Variants in TLN2 observed in about 807,000 individuals in gnomAD.
The protein encoded by TLN2 is talin-2.
A neutral mutation model predicts 294.7 loss-of-function variants in TLN2; 118 were observed. The observed-to-expected ratio is 0.40, with a 90% confidence interval of 0.34 to 0.47. The LOEUF (loss-of-function observed/expected upper bound fraction) is 0.47. TLN2 is among the 20% of genes least tolerant of loss of function. The probability of loss-of-function intolerance (pLI) is 0.84; values close to 1 mark genes in which losing one functional copy is unlikely to be tolerated. For synonymous variants in TLN2, 1,431 were observed against 1,304.5 expected (o/e 1.10, Z -2.09); for missense variants, 3,083 against 3,282.2 (o/e 0.94, Z 1.48).
chr15:62,565,012 T>TC (rs1468468449), intron 1 of TLN2, among the ~76,000 whole-genome samples: 1 of 151,212 alleles, frequency 6.6e-6, no homozygotes, highest in Non-Finnish European at 1.5e-5. Flanking sequence ...CCTGCATAAT[T>TC]CCCCCAGAGG....
chr15:62,426,085 A>G (rs1434540919), intron 1 of TLN2, among the ~76,000 whole-genome samples: 1 of 152,182 alleles, frequency 6.6e-6, no homozygotes, highest in East Asian at 1.9e-4. Context: ...GGTATGGCCC[A>G]GCCGTATCTC....
At chr15:62,738,557 C>T (rs1046344692) in intron 30 of TLN2, among the ~76,000 whole-genome samples, 1 of 152,180 alleles carries the variant, frequency 6.6e-6, no homozygotes, top group Non-Finnish European at 1.5e-5. Context: ...TTGCCATTTC[C>T]TCTCGGATCG....
chr15:62,700,684 T>C (rs1382105818), intron 16 of TLN2, among the ~76,000 whole-genome samples: 1 of 152,190 alleles, frequency 6.6e-6, no homozygotes, highest in African/African-American at 2.4e-5. Flanking sequence ...AGAACATGTC[T>C]AAGTTGAAAC....
chr15:62,399,239 C>T (rs568850318), intron 1 of TLN2, among the ~76,000 whole-genome samples: 19 of 111,664 alleles, frequency 1.7e-4, no homozygotes, highest in Non-Finnish European at 2.8e-4. Context: ...GGTGACAGAG[C>T]GAGACTCCGT....
At chr15:62,688,052 G>GGT (rs2057440177) in intron 12 of TLN2, 1 of 152,112 alleles carries the variant, frequency 6.6e-6, no homozygotes, top group African/African-American at 2.4e-5. Context: ...GTTGGGAATG[G>GGT]GTAGGACAGG....
In TLN2 at chr15:62,825,784, A is replaced by ATATATTATAATATATAT. The variant is rs1567686734; in HGVS notation, c.7002+5180_7002+5196dup. Among the ~76,000 whole-genome samples the ATATATTATAATATATAT allele has an allele frequency of 3.5e-3, 51 of 14,614 alleles. No individual in the cohort carries two copies. The East Asian group carries it at 0.1, about 30-fold the overall frequency. 9.6% of individuals were successfully genotyped at this position (14,614 alleles called of 152,430 possible). A position where few individuals can be genotyped will look rare whatever the true frequency, so the allele number is the denominator to read the frequency against. The stretch of plus-strand genomic sequence containing the variant: ...ATAATTATATATTATATAATATATT[A>ATATATTATAATATATAT]TATATTATAATATATATTATATATT... On this transcript the variant is annotated intron_variant, in intron 54 of 58. Transcript: ENST00000636159.
chr15:62,570,019 CCTT>C (rs921034528), intron 1 of TLN2, among the ~76,000 whole-genome samples: 7 of 152,166 alleles, frequency 4.6e-5, no homozygotes, highest in African/African-American at 1.7e-4. Flanking sequence ...CCTCTCTCTT[CCTT>C]CTTCTCTATC....
chr15:62,491,923 A>G (rs1239219040), intron 1 of TLN2, among the ~76,000 whole-genome samples: 1 of 152,102 alleles, frequency 6.6e-6, no homozygotes, highest in East Asian at 1.9e-4. Context: ...TCACCAAGGG[A>G]AAAAAAGACA....
At chr15:62,544,155 T>G (rs1336639173) in intron 1 of TLN2, among the ~76,000 whole-genome samples, 1 of 152,230 alleles carries the variant, frequency 6.6e-6, no homozygotes, top group Non-Finnish European at 1.5e-5. Flanking sequence ...CTCTTCATGT[T>G]CATCCAAATT....
intron 1 of TLN2, among the ~76,000 whole-genome samples, chr15:62,482,911 T>C (rs1028478753): frequency 6.6e-6 from 1 of 152,174 alleles, no homozygotes; most frequent in African/African-American, 2.4e-5. Context: ...GCATCCCTCC[T>C]GTTCTTGTTG....
chr15:62,622,761 G>A (rs1278223464), intron 3 of TLN2, among the ~76,000 whole-genome samples: 1 of 152,150 alleles, frequency 6.6e-6, no homozygotes, highest in Non-Finnish European at 1.5e-5. Context: ...GCTTGAGTCA[G>A]TGATAAAAGA....
intron 37 of TLN2, 22 bp from the exon 38 acceptor site, chr15:62,761,659 T>G: frequency 6.2e-7 from 1 of 1,613,880 alleles, no homozygotes; most frequent in Non-Finnish European, 8.5e-7. Context: ...TTGGGCAGAA[T>G]CTCCCTGTTT....
chr15:62,812,943 C>A (rs937425), intron 52 of TLN2, among the ~76,000 whole-genome samples: 2 of 152,072 alleles, frequency 1.3e-5, no homozygotes, highest in African/African-American at 2.4e-5. Context: ...GTCGCTATGT[C>A]AACATCAGCC....
At chr15:62,682,226 T>G (rs1484676714) in intron 11 of TLN2, among the ~76,000 whole-genome samples, 1 of 152,274 alleles carries the variant, frequency 6.6e-6, no homozygotes, top group Non-Finnish European at 1.5e-5. Flanking sequence ...TGGTTATGTT[T>G]CTACAAAGCT....
rs767969576 is a variant in TLN2 at position 62,836,047 on chromosome 15, G to C, written c.7348G>C (p.Asp2450His). The change falls in exon 57 of 59, where the codon GAT becomes CAT. Residue 2450 changes from aspartate (D) to histidine (H), a missense_variant. Asp to His is a moderately conservative substitution (Grantham distance 81). Coordinates refer to ENST00000636159, the MANE Select transcript of TLN2 (RefSeq NM_015059.3). ...GGCCTGCAAGGTGAAGGCCGACCAG[G>C]ATTCAGAGGCCATGAGGCGGCTACA... Reference protein sequence around the residue: ...LVACKVKADQDSEAMRRLQAA... With the variant: ...LVACKVKADQHSEAMRRLQAA... The C allele has an allele frequency of 5.0e-6, 8 of 1,611,796 alleles. No homozygotes were observed. In the Admixed American group the frequency reaches 1.3e-4, roughly 27 times the overall value.
At chr15:62,564,925 A>ATAT (rs1555430770) in intron 1 of TLN2, among the ~76,000 whole-genome samples, 1,562 of 80,470 alleles carry the variant, frequency 0.019, 19 homozygotes, top group Middle Eastern at 0.047. Flanking sequence ...AAAAAAAAAA[A>ATAT]ATATATATAT....
chr15:62,582,219 C>CACACACACACGCACAT, intron 1 of TLN2, among the ~76,000 whole-genome samples: 1 of 135,392 alleles, frequency 7.4e-6, no homozygotes, highest in Non-Finnish European at 1.6e-5. Context: ...CACACACACA[C>CACACACACACGCACAT]ACACACACAC....
chr15:62,510,937 A>T (rs1404161637), intron 1 of TLN2, among the ~76,000 whole-genome samples: 1 of 152,268 alleles, frequency 6.6e-6, no homozygotes, highest in Non-Finnish European at 1.5e-5. Context: ...GTTAAGACAC[A>T]AAGATTGTCC....
chr15:62,493,897 C>T (rs1315194097), intron 1 of TLN2, among the ~76,000 whole-genome samples: 3 of 152,150 alleles, frequency 2.0e-5, no homozygotes, highest in African/African-American at 2.4e-5. Flanking sequence ...AGGTGTGAGC[C>T]ACCATGCCTG....
Sources: gnomAD v4.1 joint callset for allele counts (sites outside exome capture counted in the v4.1 genomes callset) on GRCh38, gnomAD v4.1.1 for gene constraint, MANE v1.5 for transcripts, NCBI Gene and HGNC (gene_info 2026-07-23, HGNC 2026-07-21) for gene names.